Variants in EEF2KMT observed in about 807,000 individuals in gnomAD.
EEF2KMT encodes eukaryotic elongation factor 2 lysine methyltransferase.
Under a neutral mutation model 35.1 loss-of-function variants are expected in EEF2KMT, and 30 were observed. That is an observed-to-expected ratio of 0.85 (90% CI 0.64 to 1.16). EEF2KMT has a LOEUF of 1.16. Ranked by LOEUF, EEF2KMT falls within the 50% of genes most tolerant of loss-of-function variation. The probability of loss-of-function intolerance (pLI) is 0.00; values close to 1 mark genes in which losing one functional copy is unlikely to be tolerated. For missense variants in EEF2KMT, 499 were observed against 438.2 expected (o/e 1.14, Z -1.24); for synonymous variants, 190 against 187.7 (o/e 1.01, Z -0.10).
rs138818283 is a variant in EEF2KMT at position 5,094,132 on chromosome 16, C to T, written c.160-568G>A. ...GGGACTGGTGCAGCAGGAGTGGGGA[C>T]GGCGGGAAAACAGGAGCCTGGAGGG... On this transcript the variant is annotated intron_variant, in intron 2 of 7. Coordinates refer to ENST00000427587, the MANE Select transcript of EEF2KMT (RefSeq NM_201400.4). Among the ~76,000 whole-genome samples the T allele has an allele frequency of 9.5e-3, 1,451 of 152,222 alleles. 16 individuals are homozygous for T. Among genetic ancestry groups the T allele is most frequent in the Non-Finnish European group, 0.01 (713 of 68,012 alleles).
In EEF2KMT at chr16:5,084,916, G is replaced by A; in HGVS notation, c.*716C>T. On this transcript the variant is annotated 3_prime_UTR_variant, in exon 8 of 8. Transcript: ENST00000427587. ...CAGAGGCTAAAACCCCAGGACCCCTGCTGTCCTTCCCGCAGCTTCTTCTTG... is the reference window on the plus strand; with the variant it reads ...CAGAGGCTAAAACCCCAGGACCCCTACTGTCCTTCCCGCAGCTTCTTCTTG... 1.3e-6 allele frequency: 2 copies of A among 1,596,398 alleles called. No homozygotes were observed. Among genetic ancestry groups the A allele is most frequent in the Non-Finnish European group, 8.5e-7 (1 of 1,179,752 alleles).
chr16:5,094,759 A>C (rs1396712720), intron 2 of EEF2KMT, among the ~76,000 whole-genome samples: 4 of 137,772 alleles, frequency 2.9e-5, no homozygotes, highest in Non-Finnish European at 6.3e-5. Context: ...CACCTCTAGC[A>C]CAGGAATTCT....
In EEF2KMT at chr16:5,090,150, G is replaced by T; in HGVS notation, c.676C>A (p.Leu226Met). ...TGGACCGTCGCGACGTCCCAGTCCAGCTGGGCCACTGTCACCCTGGGGCTG... is the reference window on the plus strand; with the variant it reads ...TGGACCGTCGCGACGTCCCAGTCCATCTGGGCCACTGTCACCCTGGGGCTG... ...LDSPRVTVAQ[L>M]DWDVATVHQL... Residue 226 changes from leucine to methionine, a missense_variant, in exon 6 of 8, where the codon CTG becomes ATG. Coordinates refer to ENST00000427587, the MANE Select transcript of EEF2KMT (RefSeq NM_201400.4). This position sits in a 1 kb window ranked among gnomAD's most constrained non-coding sequence, Gnocchi z 4.1. 1 of 1,611,120 alleles carries T rather than the reference G, an allele frequency of 6.2e-7. No homozygotes were observed. The highest frequency in any genetic ancestry group is 8.5e-7 in the Non-Finnish European group (1 of 1,179,856).
At chr16:5,097,174 T>C in intron 1 of EEF2KMT, 1 of 699,136 alleles carries the variant, frequency 1.4e-6, no homozygotes, top group African/African-American at 1.9e-5. Context: ...CGTGACAGCC[T>C]CAGAGCATGA....
intron 6 of EEF2KMT, among the ~76,000 whole-genome samples, chr16:5,089,584 C>G (rs539300208): frequency 2.0e-5 from 3 of 152,214 alleles, no homozygotes; most frequent in Non-Finnish European, 4.4e-5. Flanking sequence ...TTTCAGGCAT[C>G]TGCTGATTTG....
At position 5,091,410 on chromosome 16, in the gene EEF2KMT, G is replaced by T. The variant is rs190415775; in HGVS notation, c.342+384C>A. Reference sequence around the variant, plus strand: ...TTTTTGTATTTTTAGTAGAGACAGGGTTTCACCATATTGGCCAGGTTGGTC... The same window carrying T: ...TTTTTGTATTTTTAGTAGAGACAGGTTTTCACCATATTGGCCAGGTTGGTC... On this transcript the variant is annotated intron_variant, in intron 4 of 7. Coordinates refer to ENST00000427587, the MANE Select transcript of EEF2KMT (RefSeq NM_201400.4). Among the ~76,000 whole-genome samples, 284 of 151,950 alleles carry T rather than the reference G, an allele frequency of 1.9e-3. 6 individuals carry two copies. The East Asian group carries it at 0.042, about 22-fold the overall frequency.
chr16:5,094,411 T>C (rs1304401096), intron 2 of EEF2KMT, among the ~76,000 whole-genome samples: 2 of 152,142 alleles, frequency 1.3e-5, no homozygotes, highest in East Asian at 1.9e-4. Context: ...TATAGGCATG[T>C]ACCACCACGC....
At chr16:5,088,270 C>CT (rs2142753514) in intron 7 of EEF2KMT, among the ~76,000 whole-genome samples, 1 of 152,122 alleles carries the variant, frequency 6.6e-6, no homozygotes, top group East Asian at 1.9e-4. Flanking sequence ...TGGGGGGACT[C>CT]TGTCGTGGAA....
rs1957314998 is a variant in EEF2KMT at position 5,090,316 on chromosome 16, G to T, written c.510C>A (p.Leu170=). ...ACATCTTGCAGATGGCCAGGCCTGT[G>T]AGGCCAGCACCACTGCCAAGCTCTA... ...TVLELGSGAG[L]TGLAICKMCR... Residue 170 remains leucine, a synonymous_variant, in exon 6 of 8, where the codon CTC becomes CTA. Coordinates refer to ENST00000427587, the MANE Select transcript of EEF2KMT (RefSeq NM_201400.4). The surrounding 1 kb of genome is among the most constrained non-coding windows in gnomAD (Gnocchi z 4.1). 3 of 1,611,960 alleles carry T rather than the reference G, an allele frequency of 1.9e-6. No individual in the cohort carries two copies. The African/African-American group carries it at 4.0e-5, about 22-fold the overall frequency.
rs751295313 is a variant in EEF2KMT at position 5,090,741 on chromosome 16, G to A, written c.343-176C>T. On this transcript the variant is annotated intron_variant, in intron 4 of 7. Coordinates refer to ENST00000427587, the MANE Select transcript of EEF2KMT (RefSeq NM_201400.4). This position sits in a 1 kb window ranked among gnomAD's most constrained non-coding sequence, Gnocchi z 4.1. ...CTTTCACGGGCCTCAAGGGTGTCACGCGGTGTGAAAGACACTCATCTCAGG... is the reference window on the plus strand; with the variant it reads ...CTTTCACGGGCCTCAAGGGTGTCACACGGTGTGAAAGACACTCATCTCAGG... 2.6e-4 allele frequency among the ~76,000 whole-genome samples: 39 copies of A among 152,050 alleles called. 1 individual carries two copies. The highest frequency in any genetic ancestry group is 4.9e-4 in the Non-Finnish European group (33 of 68,014).
chr16:5,091,688 C>A (rs929009231), intron 4 of EEF2KMT, 106 bp downstream of exon 4: 2 of 1,548,202 alleles, frequency 1.3e-6, no homozygotes. Flanking sequence ...ATGTCTAAGA[C>A]TGTAGAATGG....
chr16:5,087,441 G>T (rs559737009), intron 7 of EEF2KMT: 1 of 152,320 alleles, frequency 6.6e-6, no homozygotes, highest in Admixed American at 6.5e-5. Context: ...TCCCGCGTCA[G>T]CCTCCTGAGG....
rs115921973 is a variant in EEF2KMT, at chr16:5,092,274, C to T, written c.241-379G>A. On this transcript the variant is annotated intron_variant, in intron 3 of 7. Transcript: ENST00000427587. Reference sequence around the variant, plus strand: ...GATTCCGTGAGAGTTGCCAGGTGACCATGATAGAGAGCCGTGTTTGGATCA... The same window carrying T: ...GATTCCGTGAGAGTTGCCAGGTGACTATGATAGAGAGCCGTGTTTGGATCA... Among the ~76,000 whole-genome samples, 1,064 of 152,220 alleles carry T rather than the reference C, an allele frequency of 7.0e-3. 7 individuals are homozygous for T. Among genetic ancestry groups the T allele is most frequent in the African/African-American group, 0.024 (987 of 41,542 alleles).
chr16:5,097,117 C>T (rs1224239731), intron 1 of EEF2KMT, among the ~76,000 whole-genome samples: 2 of 152,192 alleles, frequency 1.3e-5, no homozygotes, highest in African/African-American at 4.8e-5. Context: ...TGGCAGGTCC[C>T]CAGGGCGAGG....
In EEF2KMT at chr16:5,089,147, G is replaced by A. The variant is rs755200787; in HGVS notation, c.852C>T (p.Val284=). 1.4e-5 allele frequency: 23 copies of A among 1,612,554 alleles called. No individual in the cohort carries two copies. The highest frequency in any genetic ancestry group is 1.9e-5 in the Non-Finnish European group (22 of 1,179,874). Residue 284 remains valine (V), a synonymous_variant, in exon 7 of 8, where the codon GTC becomes GTT. Coordinates refer to ENST00000427587, the MANE Select transcript of EEF2KMT (RefSeq NM_201400.4). ...RAPEVYVAFT[V]RNPETCQLFT... The stretch of plus-strand genomic sequence containing the variant: ...ACAGCTGGCACGTCTCTGGGTTGCG[G>A]ACGGTAAAGGCCACGTAGACCTCAG...
rs1243332236 is a variant in EEF2KMT, at chr16:5,093,952, C to T, written c.160-388G>A. Among the ~76,000 whole-genome samples the T allele has an allele frequency of 2.6e-5, 4 of 152,200 alleles. No homozygotes were observed. In the South Asian group the frequency reaches 8.3e-4, roughly 31 times the overall value. ...GCAACTGCTCTCTTGGAGTGTGTGT[C>T]CCTGGGGACAGGATGGAGGGGACGG... On this transcript the variant is annotated intron_variant, in intron 2 of 7. Coordinates refer to ENST00000427587, the MANE Select transcript of EEF2KMT (RefSeq NM_201400.4).
At chr16:5,091,329 G>A (rs74958357) in intron 4 of EEF2KMT, among the ~76,000 whole-genome samples, 8,909 of 152,126 alleles carry the variant, frequency 0.059, 512 homozygotes, top group African/African-American at 0.15. Context: ...TGATCCCCCC[G>A]CCTCAGCCTC....
chr16:5,090,288 G>A lies in EEF2KMT; in HGVS notation c.538C>T (p.Arg180Cys), dbSNP rs377613734. Residue 180 changes from arginine (R) to cysteine (C), a missense_variant, in exon 6 of 8, where the codon CGC (arginine) becomes TGC (cysteine). Transcript: ENST00000427587. This position sits in a 1 kb window ranked among gnomAD's most constrained non-coding sequence, Gnocchi z 4.1. ...TCGCTGAAGATGTATGCCCGGGGGC[G>A]GCACATCTTGCAGATGGCCAGGCCT... ...LTGLAICKMC[R>C]PRAYIFSDCH... 51 of 1,612,048 alleles carry A rather than the reference G, an allele frequency of 3.2e-5. No homozygotes were observed. The African/African-American group carries it at 3.3e-4, about 11-fold the overall frequency.
At chr16:5,088,640 T>G (rs1458667512) in intron 7 of EEF2KMT, among the ~76,000 whole-genome samples, 1 of 152,058 alleles carries the variant, frequency 6.6e-6, no homozygotes, top group South Asian at 2.1e-4. Context: ...TGAGGACAGT[T>G]GCTGGCCCAC....
Sources: allele counts gnomAD v4.1 joint callset (sites outside exome capture counted in the v4.1 genomes callset), GRCh38; gene constraint gnomAD v4.1.1; non-coding constraint Gnocchi (gnomAD v3.1); transcripts MANE v1.5; gene names NCBI Gene and HGNC (gene_info 2026-07-23, HGNC 2026-07-21).